MAD1L1: variants seen among roughly 807,000 people sequenced by gnomAD.
MAD1L1 encodes the protein mitotic arrest deficient 1 like 1, also known as mitotic spindle assembly checkpoint protein MAD1.
In MAD1L1, 95 loss-of-function variants were observed where a neutral mutation model predicts 96.9. The ratio of observed to expected loss-of-function variants is 0.98; its 90% CI spans 0.83 to 1.16. MAD1L1 has a LOEUF of 1.16. Ranked by LOEUF, MAD1L1 falls within the 50% of genes most tolerant of loss-of-function variation. MAD1L1 has a pLI of 0.00. For synonymous variants in MAD1L1, 473 were observed against 396.6 expected (o/e 1.19, Z -2.29); for missense variants, 1,007 against 954.4 (o/e 1.06, Z -0.73).
At chr7:1,836,374 C>A (rs1174542771) in intron 18 of MAD1L1, among the ~76,000 whole-genome samples, 2 of 152,122 alleles carry the variant, frequency 1.3e-5, no homozygotes, top group Non-Finnish European at 2.9e-5. Context: ...GGGTCAGCTT[C>A]TTTACTGCAA....
intron 8 of MAD1L1, 68 bp from the exon 9 acceptor site, chr7:2,216,067 C>T (rs1793257719): frequency 2.5e-6 from 4 of 1,609,920 alleles, no homozygotes; most frequent in Non-Finnish European, 2.5e-6. Context: ...AGCCCGGGAG[C>T]CCTGCCCCTA....
At chr7:2,129,504 C>T (rs992629734) in intron 11 of MAD1L1, among the ~76,000 whole-genome samples, 11 of 152,310 alleles carry the variant, frequency 7.2e-5, no homozygotes, top group South Asian at 4.1e-4. Flanking sequence ...GTGACGAGGA[C>T]GCGAGGAACA....
chr7:1,897,313 G>C (rs1347412066), intron 18 of MAD1L1, among the ~76,000 whole-genome samples: 2 of 150,358 alleles, frequency 1.3e-5, no homozygotes, highest in African/African-American at 4.9e-5. Flanking sequence ...CAGTTTAGAC[G>C]CCCGTTCCAG....
intron 11 of MAD1L1, among the ~76,000 whole-genome samples, chr7:2,090,644 T>A (rs2128544696): frequency 6.6e-6 from 1 of 152,350 alleles, no homozygotes; most frequent in East Asian, 1.9e-4. Flanking sequence ...TCTCATGGAC[T>A]TGGCAGTTCT....
Position 1,983,168 on chromosome 7 carries a change from A to C in MAD1L1, c.1417-2627T>G, listed in dbSNP as rs867493045. Among the ~76,000 whole-genome samples, 8 of 139,626 alleles carry C rather than the reference A, an allele frequency of 5.7e-5. No individual in the cohort carries two copies. The South Asian group carries it at 6.3e-4, about 11-fold the overall frequency. The allele number at this position is 139,626 out of a possible 152,430, so 91.6% of individuals were successfully genotyped here. The stretch of plus-strand genomic sequence containing the variant: ...CGCGCGCGCGCGCACACACACACAC[A>C]CACACACACACACACACACAGGCTT... On this transcript the variant is annotated intron_variant, in intron 14 of 18. Coordinates refer to ENST00000265854, the MANE Select transcript of MAD1L1 (RefSeq NM_001013836.2).
At chr7:2,010,585 C>T (rs750655378) in intron 13 of MAD1L1, among the ~76,000 whole-genome samples, 2 of 152,204 alleles carry the variant, frequency 1.3e-5, no homozygotes, top group African/African-American at 4.8e-5. Flanking sequence ...CCGTGCAAGA[C>T]GGCAAAACTT....
chr7:2,214,433 C>T (rs1353633462), intron 9 of MAD1L1, among the ~76,000 whole-genome samples: 1 of 152,196 alleles, frequency 6.6e-6, no homozygotes, highest in Non-Finnish European at 1.5e-5. Flanking sequence ...GGCCCCAAAA[C>T]GACCTTGGCT....
chr7:1,830,165 G>C (rs1182154335), intron 18 of MAD1L1, among the ~76,000 whole-genome samples: 2 of 152,238 alleles, frequency 1.3e-5, no homozygotes, highest in Non-Finnish European at 2.9e-5. Context: ...GGGAGGCCGA[G>C]GTGGGAGGAT....
intron 18 of MAD1L1, among the ~76,000 whole-genome samples, chr7:1,860,474 T>TCC (rs1784491245): frequency 6.6e-6 from 1 of 152,164 alleles, no homozygotes; most frequent in Admixed American, 6.5e-5. Flanking sequence ...AGCCTCTGTC[T>TCC]CCCTAGGGGT....
intron 17 of MAD1L1, among the ~76,000 whole-genome samples, chr7:1,912,835 G>A (rs1317013886): frequency 2.0e-5 from 3 of 152,264 alleles, no homozygotes; most frequent in African/African-American, 4.8e-5. Flanking sequence ...CTTCCCTCCA[G>A]GAACATGCCC....
At chr7:2,099,553 A>C (rs1314149470) in intron 11 of MAD1L1, among the ~76,000 whole-genome samples, 2 of 152,234 alleles carry the variant, frequency 1.3e-5, no homozygotes, top group Admixed American at 1.3e-4. Context: ...TCTTTACTGT[A>C]CTAACAACCC....
intron 11 of MAD1L1, among the ~76,000 whole-genome samples, chr7:2,138,579 G>T (rs1788871519): frequency 6.6e-6 from 1 of 152,218 alleles, no homozygotes; most frequent in Non-Finnish European, 1.5e-5. Flanking sequence ...AAGTCAGCCG[G>T]AGGGGAAGCA....
chr7:1,902,447 T>G (rs1285147061), intron 17 of MAD1L1, among the ~76,000 whole-genome samples: 2 of 152,202 alleles, frequency 1.3e-5, no homozygotes, highest in African/African-American at 4.8e-5. Context: ...CCCAGGCCTT[T>G]CAGAAGGAGG....
At chr7:1,952,082 G>T (rs1335810822) in intron 16 of MAD1L1, among the ~76,000 whole-genome samples, 1 of 152,190 alleles carries the variant, frequency 6.6e-6, no homozygotes, top group Non-Finnish European at 1.5e-5. Context: ...CCCATGGCAG[G>T]AATTACCTAA....
At chr7:1,988,524 G>A (rs1765519247) in intron 14 of MAD1L1, among the ~76,000 whole-genome samples, 1 of 152,180 alleles carries the variant, frequency 6.6e-6, no homozygotes, top group African/African-American at 2.4e-5. Context: ...CCCAGGCACA[G>A]AGCACTCAGT....
intron 3 of MAD1L1, among the ~76,000 whole-genome samples, chr7:2,228,980 A>G (rs993220900): frequency 4.6e-5 from 7 of 152,056 alleles, no homozygotes; most frequent in African/African-American, 1.4e-4. Context: ...TGATCCGCCC[A>G]CCTCAGCCTC....
At chr7:2,051,740 C>T (rs1258837609) in intron 12 of MAD1L1, among the ~76,000 whole-genome samples, 1 of 140,500 alleles carries the variant, frequency 7.1e-6, no homozygotes, top group Non-Finnish European at 1.5e-5. Flanking sequence ...GGTCACCTTG[C>T]TTTCCACCCC....
intron 3 of MAD1L1, among the ~76,000 whole-genome samples, chr7:2,229,227 A>G (rs1794071317): frequency 6.6e-6 from 1 of 152,188 alleles, no homozygotes; most frequent in Admixed American, 6.5e-5. Flanking sequence ...AAGAGGGTCC[A>G]GGCAGAGGAG....
At chr7:2,109,734 G>A (rs912494731) in intron 11 of MAD1L1, 1 of 152,232 alleles carries the variant, frequency 6.6e-6, no homozygotes, top group African/African-American at 2.4e-5. Context: ...AACTCATGGC[G>A]AGTGTTGCAA....
Sources: allele counts gnomAD v4.1 joint callset (sites outside exome capture counted in the v4.1 genomes callset), GRCh38; gene constraint gnomAD v4.1.1; transcripts MANE v1.5; gene names NCBI Gene and HGNC (gene_info 2026-07-23, HGNC 2026-07-21).